The following ADGRL2 variants were observed in gnomAD, a reference collection of about 807,000 sequenced individuals.
ADGRL2 encodes adhesion G protein-coupled receptor L2.
In ADGRL2, 44 loss-of-function variants were observed where a neutral mutation model predicts 157.4. The observed-to-expected ratio is 0.28, with a 90% CI of 0.22 to 0.36. The LOEUF (loss-of-function observed/expected upper bound fraction) is 0.36. ADGRL2 is among the 10% of genes least tolerant of loss of function. The probability of loss-of-function intolerance (pLI) is 1.00; values close to 1 mark genes in which losing one functional copy is unlikely to be tolerated. For missense variants in ADGRL2, 1,510 were observed against 1,768.9 expected (o/e 0.85, Z 2.63); for synonymous variants, 585 against 624.7 (o/e 0.94, Z 0.95).
chr1:81,966,758 C>G lies in ADGRL2; in HGVS notation c.2349+149C>G, dbSNP rs1657172207. 4 of 691,002 alleles carry G rather than the reference C, an allele frequency of 5.8e-6. No individual in the cohort carries two copies. The Admixed American group carries it at 9.7e-5, about 17-fold the overall frequency. 42.8% of individuals were successfully genotyped at this position (691,002 alleles called of 1,614,324 possible). The stretch of plus-strand genomic sequence containing the variant: ...TTCCATTTGAATTTTAAATGTTGGA[C>G]TAGGTCAGAGACACAAGTTTATTTA... On this transcript the variant is annotated intron_variant, in intron 13 of 23. Coordinates refer to ENST00000686636, the MANE Select transcript of ADGRL2 (RefSeq NM_001366006.2).
chr1:81,476,514 T>G (rs752356280), intron 2 of ADGRL2, among the ~76,000 whole-genome samples: 3 of 152,198 alleles, frequency 2.0e-5, no homozygotes, highest in Non-Finnish European at 4.4e-5. Context: ...CCACCTGTGC[T>G]TTTTCACCTC....
At chr1:81,884,297 A>G (rs2094070387) in intron 2 of ADGRL2, among the ~76,000 whole-genome samples, 2 of 152,166 alleles carry the variant, frequency 1.3e-5, no homozygotes. Context: ...CTTTTTGCCC[A>G]GCCCATGAGA....
intron 1 of ADGRL2, among the ~76,000 whole-genome samples, chr1:81,368,128 A>C (rs1377335566): frequency 1.3e-5 from 2 of 152,160 alleles, no homozygotes; most frequent in Non-Finnish European, 2.9e-5. Flanking sequence ...GGTTGAATTA[A>C]TTTGCATTCC....
intron 2 of ADGRL2, among the ~76,000 whole-genome samples, chr1:81,476,850 C>T (rs922772873): frequency 1.3e-5 from 2 of 152,118 alleles, no homozygotes; most frequent in African/African-American, 2.4e-5. Context: ...TCCTCAGATT[C>T]GCCATTCCAA....
At chr1:81,688,794 G>C (rs1357659730) in intron 3 of ADGRL2, among the ~76,000 whole-genome samples, 3 of 152,084 alleles carry the variant, frequency 2.0e-5, no homozygotes, top group African/African-American at 7.2e-5. Context: ...TCTTATTTGG[G>C]GCGGCTCTAT....
chr1:81,608,399 T>A (rs1036797269), intron 3 of ADGRL2, among the ~76,000 whole-genome samples: 13 of 152,212 alleles, frequency 8.5e-5, no homozygotes, highest in Non-Finnish European at 1.0e-4. Context: ...TTTTCTTTGC[T>A]AGTTTCATGT....
intron 3 of ADGRL2, among the ~76,000 whole-genome samples, chr1:81,582,135 A>G (rs1484449827): frequency 6.6e-6 from 1 of 152,038 alleles, no homozygotes; most frequent in African/African-American, 2.4e-5. Context: ...CAGGAGAATC[A>G]TTTGAACCCA....
chr1:81,547,758 C>T (rs2080052566), intron 2 of ADGRL2, among the ~76,000 whole-genome samples: 1 of 152,086 alleles, frequency 6.6e-6, no homozygotes, highest in African/African-American at 2.4e-5. Context: ...TTGGGAATTC[C>T]CAGCTTCTCC....
intron 3 of ADGRL2, among the ~76,000 whole-genome samples, chr1:81,672,601 T>C (rs2082898639): frequency 6.6e-6 from 1 of 152,226 alleles, no homozygotes; most frequent in Non-Finnish European, 1.5e-5. Context: ...AGGTTATCAC[T>C]TTTCATTTAA....
chr1:81,766,400 T>C (rs540530793), intron 2 of ADGRL2, among the ~76,000 whole-genome samples: 1 of 152,180 alleles, frequency 6.6e-6, no homozygotes, highest in African/African-American at 2.4e-5. Flanking sequence ...AATATACAAA[T>C]CAAAATATTT....
intron 23 of ADGRL2, among the ~76,000 whole-genome samples, chr1:81,989,428 C>T (rs1664114434): frequency 6.6e-6 from 1 of 152,154 alleles, no homozygotes; most frequent in Admixed American, 6.6e-5. Flanking sequence ...GTGACTGATG[C>T]AGACTGCAGG....
intron 2 of ADGRL2, among the ~76,000 whole-genome samples, chr1:81,573,765 A>G (rs915411418): frequency 3.3e-5 from 5 of 152,202 alleles, no homozygotes; most frequent in African/African-American, 1.2e-4. Flanking sequence ...TGACTTGTGC[A>G]GTATTTGCCT....
intron 1 of ADGRL2, among the ~76,000 whole-genome samples, chr1:81,346,369 C>A (rs1317580269): frequency 1.3e-5 from 2 of 152,038 alleles, no homozygotes; most frequent in Non-Finnish European, 2.9e-5. Flanking sequence ...TTTGGTAAAC[C>A]ATCTTTATCT....
chr1:81,502,001 C>A (rs1235731661), intron 2 of ADGRL2: 1 of 1,606,728 alleles, frequency 6.2e-7, no homozygotes, highest in East Asian at 2.2e-5. Context: ...CAGAGTTCCA[C>A]CCACCGCAGC....
intron 11 of ADGRL2, among the ~76,000 whole-genome samples, chr1:81,958,897 C>T (rs150893392): frequency 2.4e-4 from 37 of 152,274 alleles, no homozygotes; most frequent in African/African-American, 8.2e-4. Flanking sequence ...GTATGTAGTA[C>T]TCCTTTTGAT....
At chr1:81,672,304 C>T (rs1323291455) in intron 3 of ADGRL2, among the ~76,000 whole-genome samples, 1 of 152,160 alleles carries the variant, frequency 6.6e-6, no homozygotes, top group Admixed American at 6.5e-5. Flanking sequence ...CTCCCTAAAT[C>T]ATTTTCAGCT....
intron 2 of ADGRL2, among the ~76,000 whole-genome samples, chr1:81,573,559 G>A (rs1192426708): frequency 6.6e-6 from 1 of 152,146 alleles, no homozygotes; most frequent in Non-Finnish European, 1.5e-5. Flanking sequence ...TGAAAATAGT[G>A]AAGTAGGCAG....
At chr1:81,834,107 A>G (rs976311072) in intron 1 of ADGRL2, among the ~76,000 whole-genome samples, 1 of 152,148 alleles carries the variant, frequency 6.6e-6, no homozygotes, top group Non-Finnish European at 1.5e-5. Flanking sequence ...ATCTTGTTTT[A>G]CTAAGAAATG....
At chr1:81,416,138 CTG>C (rs2077029636) in intron 1 of ADGRL2, among the ~76,000 whole-genome samples, 1 of 152,142 alleles carries the variant, frequency 6.6e-6, no homozygotes, top group East Asian at 1.9e-4. Flanking sequence ...GCGTGAGCCA[CTG>C]TGCCTGGCCG....
Sources: allele counts gnomAD v4.1 joint callset (sites outside exome capture counted in the v4.1 genomes callset), GRCh38; gene constraint gnomAD v4.1.1; transcripts MANE v1.5; gene names NCBI Gene and HGNC (gene_info 2026-07-23, HGNC 2026-07-21).